COL21A1: variants seen among roughly 807,000 people sequenced by gnomAD.
The protein encoded by COL21A1 is collagen type XXI alpha 1 chain.
In COL21A1, 149 loss-of-function variants were observed where a neutral mutation model predicts 137.9. The ratio of observed to expected loss-of-function variants is 1.08; its 90% confidence interval spans 0.95 to 1.24. The LOEUF (loss-of-function observed/expected upper bound fraction) is 1.24. COL21A1 is among the 50% of genes most tolerant of loss of function. The probability of loss-of-function intolerance (pLI) is 0.00; values close to 1 mark genes in which losing one functional copy is unlikely to be tolerated. For synonymous variants in COL21A1, 456 were observed against 391.5 expected, an observed-to-expected ratio of 1.16 and a Z score of -1.95; for missense variants, 1,167 against 1,158.4, an observed-to-expected ratio of 1.01 and a Z score of -0.11.
At chr6:56,312,269 A>G (rs1297705993) in intron 1 of COL21A1, among the ~76,000 whole-genome samples, 2 of 152,206 alleles carry the variant, frequency 1.3e-5, no homozygotes, top group Non-Finnish European at 2.9e-5. Context: ...GTTAATGCAA[A>G]CAAGCAAGGA....
chr6:56,171,080 C>G lies in COL21A1; in HGVS notation c.689G>C (p.Gly230Ala). The G allele has an allele frequency of 6.2e-7, 1 of 1,608,712 alleles. No homozygotes were observed. Among genetic ancestry groups the G allele is most frequent in the Non-Finnish European group, 8.5e-7 (1 of 1,177,876 alleles). Residue 230 changes from glycine (G) to alanine (A), a missense_variant, in exon 4 of 30, where the codon GGA becomes GCA. Gly to Ala is a moderately conservative substitution (Grantham distance 60, BLOSUM62 0). Transcript: ENST00000244728. The part of the protein sequence containing the change: ...RIPVAARDER[G>A]FDILLGLDVN... ...ATCTAAACCTAAAAGAATATCAAAT[C>G]CCCTTTCATCACGAGCTGCCACTGG...
At chr6:56,339,989 T>TA (rs1208788211) in intron 1 of COL21A1, among the ~76,000 whole-genome samples, 1 of 152,202 alleles carries the variant, frequency 6.6e-6, no homozygotes, top group Non-Finnish European at 1.5e-5. Context: ...CTTGTGCCAG[T>TA]AGTTTGGACA....
chr6:56,077,861 A>T lies in COL21A1; in HGVS notation c.1813-288T>A, dbSNP rs941671519. 40 of 384,458 alleles carry T rather than the reference A, an allele frequency of 1.0e-4. 1 individual carries two copies. The highest frequency in any genetic ancestry group is 4.7e-4 in the East Asian group (8 of 17,000). The allele number at this position is 384,458 out of a possible 1,614,324, so 23.8% of individuals were successfully genotyped here. A position where few individuals can be genotyped will look rare whatever the true frequency, so the allele number is the denominator to read the frequency against. On this transcript the variant is annotated intron_variant, in intron 17 of 29. Transcript: ENST00000244728. ...ACCCCAACACATGAGTGATAAAATT[A>T]AAATGATGTTTCATTTGAACACATT...
chr6:56,255,125 G>A (rs976697470), intron 1 of COL21A1, among the ~76,000 whole-genome samples: 1 of 152,128 alleles, frequency 6.6e-6, no homozygotes, highest in Admixed American at 6.6e-5. Flanking sequence ...ATGAAATGAT[G>A]TCTATGGCTC....
chr6:56,186,703 G>C (rs1198697441), intron 1 of COL21A1, among the ~76,000 whole-genome samples: 1 of 152,022 alleles, frequency 6.6e-6, no homozygotes, highest in Non-Finnish European at 1.5e-5. Context: ...ATTTTCAATA[G>C]TATCAAAAGT....
At chr6:56,077,841 A>T in intron 17 of COL21A1, 1 of 410,254 alleles carries the variant, frequency 2.4e-6, no homozygotes, top group Non-Finnish European at 4.4e-6. Flanking sequence ...CTTGCACCCC[A>T]ACACATGAGT....
At position 56,137,602 on chromosome 6, in the gene COL21A1, G is replaced by A. The variant is rs78737543; in HGVS notation, c.1542+4183C>T. 8.1e-3 allele frequency among the ~76,000 whole-genome samples: 1,239 copies of A among 152,234 alleles called. 18 individuals carry two copies. Among genetic ancestry groups the A allele is most frequent in the African/African-American group, 0.029 (1,194 of 41,526 alleles). On this transcript the variant is annotated intron_variant, in intron 12 of 29. Coordinates refer to ENST00000244728, the MANE Select transcript of COL21A1 (RefSeq NM_030820.4). ...TCTAAACTTCTACTACTGAGTCTCT[G>A]CAGTAGCTTCTCAACGACCATACAA...
intron 1 of COL21A1, among the ~76,000 whole-genome samples, chr6:56,292,601 A>G (rs1034665130): frequency 2.6e-5 from 4 of 152,194 alleles, no homozygotes; most frequent in Non-Finnish European, 4.4e-5. Flanking sequence ...CTGGTTCACC[A>G]CAAGGGATAC....
intron 1 of COL21A1, among the ~76,000 whole-genome samples, chr6:56,209,361 A>C (rs943203080): frequency 4.6e-5 from 7 of 152,284 alleles, no homozygotes; most frequent in African/African-American, 1.7e-4. Context: ...AATGGGAGAA[A>C]ATTTTTGCAA....
intron 17 of COL21A1, among the ~76,000 whole-genome samples, chr6:56,094,802 C>T (rs1478017498): frequency 6.6e-6 from 1 of 152,174 alleles, no homozygotes; most frequent in Non-Finnish European, 1.5e-5. Flanking sequence ...AACTCTCACA[C>T]AGGAGCTGAC....
chr6:56,296,604 T>TA (rs1764168589), intron 1 of COL21A1, among the ~76,000 whole-genome samples: 1 of 152,028 alleles, frequency 6.6e-6, no homozygotes. Flanking sequence ...TGTTAACATA[T>TA]ACACTGTATG....
chr6:56,388,841 C>T (rs2094023578), intron 1 of COL21A1, among the ~76,000 whole-genome samples: 1 of 152,118 alleles, frequency 6.6e-6, no homozygotes, highest in South Asian at 2.1e-4. Context: ...ACCTTTCAGA[C>T]AGAATTCAAA....
chr6:56,227,315 C>G (rs1781271780), intron 1 of COL21A1, among the ~76,000 whole-genome samples: 1 of 151,998 alleles, frequency 6.6e-6, no homozygotes, highest in Admixed American at 6.6e-5. Context: ...CTAGACAAAG[C>G]CTATGGACTA....
At chr6:56,107,294 A>T (rs1274068131) in intron 16 of COL21A1, among the ~76,000 whole-genome samples, 4 of 152,158 alleles carry the variant, frequency 2.6e-5, no homozygotes, top group Admixed American at 6.5e-5. Flanking sequence ...TAGACTTTTG[A>T]AACACATTAA....
chr6:56,090,819 A>G (rs1768737775), intron 17 of COL21A1, among the ~76,000 whole-genome samples: 1 of 151,994 alleles, frequency 6.6e-6, no homozygotes. Flanking sequence ...CTTCACACTA[A>G]GAACTGCTGT....
intron 1 of COL21A1, among the ~76,000 whole-genome samples, chr6:56,281,345 T>C (rs1763781658): frequency 1.3e-5 from 2 of 152,158 alleles, no homozygotes; most frequent in South Asian, 4.1e-4. Context: ...AAGTCATAAA[T>C]AGTAAAAACT....
intron 1 of COL21A1, among the ~76,000 whole-genome samples, chr6:56,317,961 A>G (rs563389645): frequency 6.6e-6 from 1 of 152,320 alleles, no homozygotes; most frequent in East Asian, 1.9e-4. Flanking sequence ...CAAAGTTACA[A>G]TTTGACTCCA....
chr6:56,069,393 A>G (rs150506024), intron 21 of COL21A1, among the ~76,000 whole-genome samples: 128 of 151,542 alleles, frequency 8.4e-4, no homozygotes, highest in African/African-American at 2.4e-3. Flanking sequence ...TATAATTTCA[A>G]TAATAAACGA....
intron 10 of COL21A1, among the ~76,000 whole-genome samples, chr6:56,143,858 G>C (rs1774628951): frequency 6.6e-6 from 1 of 151,970 alleles, no homozygotes; most frequent in South Asian, 2.1e-4. Context: ...TAGAACATTG[G>C]AATAATTTAA....
Sources: allele counts gnomAD v4.1 joint callset (sites outside exome capture counted in the v4.1 genomes callset), GRCh38; gene constraint gnomAD v4.1.1; transcripts MANE v1.5; gene names NCBI Gene and HGNC (gene_info 2026-07-23, HGNC 2026-07-21).